The following THRB variants were observed in gnomAD, a reference collection of about 807,000 sequenced individuals.
THRB encodes the protein thyroid hormone receptor beta.
In THRB, 12 loss-of-function variants were observed where a neutral mutation model predicts 47.8. That is an observed-to-expected ratio of 0.25 (90% CI 0.16 to 0.41). The LOEUF (loss-of-function observed/expected upper bound fraction) is 0.41. Ranked by LOEUF, THRB falls within the 10% of genes least tolerant of loss-of-function variation. The pLI is 1.00. For synonymous variants in THRB, 218 were observed against 212.2 expected, an observed-to-expected ratio of 1.03 and a Z score of -0.24; for missense variants, 348 against 589.2, an observed-to-expected ratio of 0.59 and a Z score of 4.24.
At chr3:24,259,619 C>CTTTTTT (rs1559757815) in intron 3 of THRB, among the ~76,000 whole-genome samples, 14 of 52,468 alleles carry the variant, frequency 2.7e-4, no homozygotes, top group African/African-American at 9.0e-4. Flanking sequence ...GCTCTGCTTA[C>CTTTTTT]CTTTTTTTTT....
intron 5 of THRB, among the ~76,000 whole-genome samples, chr3:24,185,264 A>T (rs1402614850): frequency 3.9e-5 from 6 of 152,238 alleles, no homozygotes; most frequent in Non-Finnish European, 5.9e-5. Flanking sequence ...AATGTTCATG[A>T]TATATTGCTA....
At chr3:24,162,521 T>C (rs2039016568) in intron 5 of THRB, among the ~76,000 whole-genome samples, 1 of 152,184 alleles carries the variant, frequency 6.6e-6, no homozygotes, top group African/African-American at 2.4e-5. Flanking sequence ...GACATTACAT[T>C]CTGCATTTTA....
intron 5 of THRB, among the ~76,000 whole-genome samples, chr3:24,168,804 G>A (rs1214079738): frequency 6.6e-6 from 1 of 151,474 alleles, no homozygotes; most frequent in Admixed American, 6.6e-5. Context: ...TCAAGCAGAG[G>A]AGGCAGCACA....
intron 1 of THRB, among the ~76,000 whole-genome samples, chr3:24,381,238 T>C (rs2149845164): frequency 6.6e-6 from 1 of 152,196 alleles, no homozygotes; most frequent in Middle Eastern, 3.4e-3. Flanking sequence ...AAAACCATAT[T>C]TGAAAGATTG....
intron 1 of THRB, among the ~76,000 whole-genome samples, chr3:24,407,517 A>G (rs1251047720): frequency 2.6e-5 from 4 of 151,972 alleles, no homozygotes; most frequent in Admixed American, 6.6e-5. Flanking sequence ...ATAATTTCAA[A>G]TCCATTTTAA....
chr3:24,431,296 ACAC>A (rs2070396406), intron 1 of THRB, among the ~76,000 whole-genome samples: 1 of 150,972 alleles, frequency 6.6e-6, no homozygotes, highest in South Asian at 2.1e-4. Flanking sequence ...ACACACACAC[ACAC>A]ATTTATAATT....
intron 4 of THRB, among the ~76,000 whole-genome samples, chr3:24,198,132 T>G (rs2149692473): frequency 6.6e-6 from 1 of 152,304 alleles, no homozygotes; most frequent in Non-Finnish European, 1.5e-5. Flanking sequence ...GAAGCTGCAG[T>G]GCCTGCTCGC....
intron 1 of THRB, among the ~76,000 whole-genome samples, chr3:24,338,184 T>G (rs889531349): frequency 6.6e-6 from 1 of 152,204 alleles, no homozygotes; most frequent in Non-Finnish European, 1.5e-5. Flanking sequence ...TGCTCTAATT[T>G]TTTTTAATTT....
At chr3:24,377,587 A>G (rs937456793) in intron 1 of THRB, among the ~76,000 whole-genome samples, 2 of 152,190 alleles carry the variant, frequency 1.3e-5, no homozygotes, top group African/African-American at 4.8e-5. Flanking sequence ...GGTGAAATTC[A>G]GAAGTGTTTT....
chr3:24,194,050 C>T (rs1363825930), intron 4 of THRB, among the ~76,000 whole-genome samples: 1 of 152,210 alleles, frequency 6.6e-6, no homozygotes, highest in Non-Finnish European at 1.5e-5. Flanking sequence ...CATACGTTTT[C>T]ACTCATGTGT....
intron 4 of THRB, among the ~76,000 whole-genome samples, chr3:24,194,985 T>A (rs904776787): frequency 6.6e-6 from 1 of 152,190 alleles, no homozygotes; most frequent in Non-Finnish European, 1.5e-5. Context: ...CTGCAAACCA[T>A]ATTCTGCATT....
chr3:24,334,733 T>C (rs1315266832), intron 2 of THRB, among the ~76,000 whole-genome samples: 1 of 152,124 alleles, frequency 6.6e-6, no homozygotes, highest in African/African-American at 2.4e-5. Context: ...GACATTTCTT[T>C]TGGGGGAGTG....
intron 1 of THRB, among the ~76,000 whole-genome samples, chr3:24,337,857 T>C (rs2062364711): frequency 6.6e-6 from 1 of 152,088 alleles, no homozygotes; most frequent in Admixed American, 6.6e-5. Context: ...AAGCGATGGG[T>C]TCCTCATCAG....
At chr3:24,203,660 C>T (rs1421107435) in intron 4 of THRB, among the ~76,000 whole-genome samples, 3 of 152,098 alleles carry the variant, frequency 2.0e-5, no homozygotes, top group Non-Finnish European at 4.4e-5. Context: ...ACAGTGGGTG[C>T]AGGAGAGTGG....
chr3:24,410,128 A>T (rs1206457526), intron 1 of THRB, among the ~76,000 whole-genome samples: 5 of 151,894 alleles, frequency 3.3e-5, no homozygotes, highest in Non-Finnish European at 5.9e-5. Context: ...GCCTTTCTTG[A>T]TAAGCCAGAA....
At chr3:24,322,491 C>A (rs1251004383) in intron 2 of THRB, among the ~76,000 whole-genome samples, 1 of 152,200 alleles carries the variant, frequency 6.6e-6, no homozygotes, top group East Asian at 1.9e-4. Flanking sequence ...CTGATGGCCC[C>A]TCACTAGGAT....
intron 3 of THRB, among the ~76,000 whole-genome samples, chr3:24,259,844 T>A (rs966138469): frequency 6.6e-6 from 1 of 151,974 alleles, no homozygotes; most frequent in African/African-American, 2.4e-5. Context: ...TCTATACAAA[T>A]AGATTAATTA....
chr3:24,131,349 C>T (rs1276481787), intron 9 of THRB, among the ~76,000 whole-genome samples: 1 of 152,142 alleles, frequency 6.6e-6, no homozygotes, highest in East Asian at 1.9e-4. Flanking sequence ...GTAATATCCT[C>T]TAAAATGTTA....
intron 5 of THRB, 178 bp downstream of exon 5, chr3:24,189,896 T>G: frequency 1.6e-6 from 1 of 639,736 alleles, no homozygotes. Context: ...TGGATTCCAC[T>G]TATTTATTTA....
Sources: allele counts gnomAD v4.1 joint callset (sites outside exome capture counted in the v4.1 genomes callset), GRCh38; gene constraint gnomAD v4.1.1; transcripts MANE v1.5; gene names NCBI Gene and HGNC (gene_info 2026-07-23, HGNC 2026-07-21).